The following FANCB variants were observed in gnomAD, a reference collection of about 807,000 sequenced individuals.
FANCB encodes the protein FA complementation group B.
FANCB carries 5 observed loss-of-function variants against 38.9 expected under a neutral mutation model. The ratio of observed to expected loss-of-function variants is 0.13; its 90% CI spans 0.07 to 0.27. FANCB has a LOEUF of 0.27. Ranked by LOEUF, FANCB falls within the 10% of genes least tolerant of loss-of-function variation. The probability of loss-of-function intolerance (pLI) is 1.00; values close to 1 mark genes in which losing one functional copy is unlikely to be tolerated. For missense variants in FANCB, 573 were observed against 602.7 expected, an observed-to-expected ratio of 0.95 and a Z score of 0.52; for synonymous variants, 236 against 215.4, an observed-to-expected ratio of 1.10 and a Z score of -0.84.
At chrX:14,780,046 G>A in the FANCB span, among the ~76,000 whole-genome samples, 11,881 of 110,182 alleles carry the variant, frequency 0.11, 1,333 homozygotes, top group African/African-American at 0.28. Flanking sequence ...TGTACAAAGG[G>A]GCTTTGTGCT....
At chrX:14,775,151 T>C in the FANCB span, among the ~76,000 whole-genome samples, 1,303 of 99,019 alleles carry the variant, frequency 0.013, 28 homozygotes, top group African/African-American at 0.039. Flanking sequence ...TTATTTCTAT[T>C]TCTCTAATGT....
chrX:14,761,926 AG>A, the FANCB span, among the ~76,000 whole-genome samples: 1 of 111,756 alleles, frequency 8.9e-6, no homozygotes, highest in South Asian at 3.8e-4. Context: ...ATAGTAGAGT[AG>A]GGAGAATGAA....
chrX:14,735,854 G>A, the FANCB span, among the ~76,000 whole-genome samples: 11 of 111,772 alleles, frequency 9.8e-5, no homozygotes, highest in South Asian at 3.8e-4. Context: ...TCTCCCAGGC[G>A]CTGTGTCCCA....
At chrX:14,805,441 C>A in the FANCB span, among the ~76,000 whole-genome samples, 1 of 111,047 alleles carries the variant, frequency 9.0e-6, no homozygotes, top group African/African-American at 3.3e-5. Flanking sequence ...GCCTCTCCAC[C>A]TCCACCACAA....
the FANCB span, among the ~76,000 whole-genome samples, chrX:14,756,144 C>T: frequency 8.9e-6 from 1 of 111,867 alleles, no homozygotes; most frequent in African/African-American, 3.2e-5. Flanking sequence ...TGAAACTAGA[C>T]CCTTACCTAC....
At chrX:14,831,593 T>C (rs1057007677), downstream of FANCB, among the ~76,000 whole-genome samples, 4 of 110,499 alleles carry the variant, frequency 3.6e-5, no homozygotes, top group Non-Finnish European at 7.6e-5. Context: ...CCCACAGAGA[T>C]GGGGAACGGA....
downstream of FANCB, chrX:14,843,262 G>A: frequency 4.5e-6 from 1 of 223,230 alleles, no homozygotes; most frequent in Non-Finnish European, 8.0e-6. Context: ...CAGCATCTCT[G>A]GTCTCCTCTA....
At chrX:14,710,216 C>T in the FANCB span, among the ~76,000 whole-genome samples, 41 of 111,936 alleles carry the variant, frequency 3.7e-4, no homozygotes, top group Middle Eastern at 9.2e-3. Flanking sequence ...TACTGAGCCC[C>T]CTGCAGAAAC....
chrX:14,762,375 G>A, the FANCB span, among the ~76,000 whole-genome samples: 7 of 110,363 alleles, frequency 6.3e-5, no homozygotes, highest in African/African-American at 2.3e-4. Context: ...TAAGAATCCT[G>A]GGCTCAAGCA....
chrX:14,701,832 A>C, the FANCB span, among the ~76,000 whole-genome samples: 1 of 112,184 alleles, frequency 8.9e-6, no homozygotes, highest in African/African-American at 3.2e-5. Context: ...TTTTGAAGGG[A>C]GTTCAATGTT....
chrX:14,839,853 G>A (rs886995506), downstream of FANCB, among the ~76,000 whole-genome samples: 2 of 108,314 alleles, frequency 1.8e-5, no homozygotes, highest in African/African-American at 7.0e-5. Context: ...TGTTACAAGG[G>A]ATTTTTTTTT....
downstream of FANCB, among the ~76,000 whole-genome samples, chrX:14,839,281 G>C (rs183483994): frequency 1.8e-5 from 2 of 110,129 alleles, no homozygotes; most frequent in Admixed American, 1.9e-4. Flanking sequence ...AAGAGAATAA[G>C]ACCCTGTCTC....
chrX:14,834,388 T>A, downstream of FANCB: 2 of 366,203 alleles, frequency 5.5e-6, no homozygotes, highest in Non-Finnish European at 5.0e-6. Flanking sequence ...TCACTCTGCA[T>A]TATAAAAAGG....
At chrX:14,765,083 G>A in the FANCB span, among the ~76,000 whole-genome samples, 2 of 111,913 alleles carry the variant, frequency 1.8e-5, no homozygotes, top group South Asian at 3.7e-4. Flanking sequence ...ATTTTTCATT[G>A]TCTATCTGAA....
At chrX:14,835,025 G>T (rs2092337510), downstream of FANCB, 6 of 589,286 alleles carry the variant, frequency 1.0e-5, no homozygotes, top group East Asian at 2.0e-4. Context: ...TCAACTGTAA[G>T]AGCGCTGGTG....
At chrX:14,727,978 T>C in the FANCB span, among the ~76,000 whole-genome samples, 1 of 112,303 alleles carries the variant, frequency 8.9e-6, no homozygotes, top group East Asian at 2.8e-4. Flanking sequence ...AAATCCTTTA[T>C]TATATTTTGT....
chrX:14,839,282 A>C, downstream of FANCB, among the ~76,000 whole-genome samples: 1 of 110,595 alleles, frequency 9.0e-6, no homozygotes, highest in East Asian at 2.8e-4. Context: ...AGAGAATAAG[A>C]CCCTGTCTCA....
Position 14,844,597 on chromosome X carries a change from C to A in FANCB, c.2071G>T (p.Val691Leu). 1 of 1,210,013 alleles carries A rather than the reference C, an allele frequency of 8.3e-7. No individual in the cohort carries two copies. The highest frequency in any genetic ancestry group is 1.1e-6 in the Non-Finnish European group (1 of 893,857). The change falls in exon 9 of 10, where the codon GTG (valine) becomes TTG (leucine). Residue 691 changes from valine to leucine, a missense_variant. Transcript: ENST00000650831. Reference protein sequence around the residue: ...KCEIIKEFPEVYFCERPGSFY... With the variant: ...KCEIIKEFPELYFCERPGSFY... ...CTTCCCGGTCTTTCACAAAAGTACA[C>A]TTCTGGAAATTCTTTGATTATTTCA...
At chrX:14,785,010 AC>A in the FANCB span, among the ~76,000 whole-genome samples, 1 of 111,656 alleles carries the variant, frequency 9.0e-6, no homozygotes, top group Non-Finnish European at 1.9e-5. Flanking sequence ...ACTGGGGCCT[AC>A]TGTGGGGTGG....
Sources: allele counts gnomAD v4.1 joint callset (sites outside exome capture counted in the v4.1 genomes callset), GRCh38; gene constraint gnomAD v4.1.1; transcripts MANE v1.5; gene names NCBI Gene and HGNC (gene_info 2026-07-23, HGNC 2026-07-21).